Variants in MMP16 observed in about 807,000 individuals in gnomAD.
MMP16 encodes matrix metallopeptidase 16.
Under a neutral mutation model 67.8 loss-of-function variants are expected in MMP16, and 12 were observed. The ratio of observed to expected loss-of-function variants is 0.18; its 90% CI spans 0.11 to 0.29. The LOEUF is 0.29. Among genes scored for constraint, MMP16 ranks in the 10% least tolerant of loss-of-function variants. MMP16 has a pLI of 1.00. For missense variants in MMP16, 475 were observed against 765.7 expected, an observed-to-expected ratio of 0.62 and a Z score of 4.48; for synonymous variants, 249 against 255.9, an observed-to-expected ratio of 0.97 and a Z score of 0.26.
At chr8:88,289,828 T>C (rs924155261) in intron 1 of MMP16, among the ~76,000 whole-genome samples, 3 of 151,962 alleles carry the variant, frequency 2.0e-5, no homozygotes, top group African/African-American at 7.3e-5. Flanking sequence ...TCACAAGTGT[T>C]AGGTAACTTT....
intron 8 of MMP16, among the ~76,000 whole-genome samples, chr8:88,050,267 G>A (rs749812708): frequency 2.0e-5 from 3 of 152,170 alleles, no homozygotes; most frequent in East Asian, 1.9e-4. Context: ...AGGTTGCAGC[G>A]AGCCGAGATA....
chr8:88,265,706 A>G (rs1428775272), intron 1 of MMP16, among the ~76,000 whole-genome samples: 1 of 152,194 alleles, frequency 6.6e-6, no homozygotes, highest in Non-Finnish European at 1.5e-5. Flanking sequence ...TTTTAAGAAT[A>G]TCATATTTAG....
intron 4 of MMP16, among the ~76,000 whole-genome samples, chr8:88,164,685 G>C (rs906777524): frequency 6.6e-6 from 1 of 151,972 alleles, no homozygotes; most frequent in African/African-American, 2.4e-5. Flanking sequence ...GACAGGTAAA[G>C]ACATAGTTTC....
intron 1 of MMP16, among the ~76,000 whole-genome samples, chr8:88,314,607 T>C (rs930989135): frequency 3.3e-5 from 5 of 152,168 alleles, no homozygotes; most frequent in Non-Finnish European, 5.9e-5. Flanking sequence ...TTTTCATAAC[T>C]GAGGCAAGAC....
chr8:88,116,870 T>C, intron 5 of MMP16, 152 bp from the exon 6 acceptor site: 1 of 674,882 alleles, frequency 1.5e-6, no homozygotes. Flanking sequence ...AAAAACAAAA[T>C]ATCTTACCCA....
rs1361198297 is a variant in MMP16 at position 88,036,834 on chromosome 8, T to C, written c.*4627A>G. 1 of 151,720 alleles carries C rather than the reference T, an allele frequency of 6.6e-6. No individual in the cohort carries two copies. Among genetic ancestry groups the C allele is most frequent in the African/African-American group, 2.4e-5 (1 of 41,372 alleles). 9.4% of individuals were successfully genotyped at this position (151,720 alleles called of 1,614,324 possible). On this transcript the variant is annotated 3_prime_UTR_variant, in exon 10 of 10. Transcript: ENST00000286614. ...AGCATCAGAAATGAAATAAGCTCTT[T>C]ACTGTGTTTGCTAAAAAAGACCTTA...
Position 88,032,924 on chromosome 8 carries a change from C to G in MMP16, c.*8537G>C, listed in dbSNP as rs1470396630. 1.3e-5 allele frequency: 2 copies of G among 152,016 alleles called. No individual in the cohort carries two copies. The highest frequency in any genetic ancestry group is 1.9e-4 in the East Asian group (1 of 5,192). The allele number at this position is 152,016 out of a possible 1,614,324, so 9.4% of individuals were successfully genotyped here. A position where few individuals can be genotyped will look rare whatever the true frequency, so the allele number is the denominator to read the frequency against. ...AAACTTAAATCTAGATTTTAATACT[C>G]TCTCCATAATTGAAAACATCATGGG... On this transcript the variant is annotated 3_prime_UTR_variant, in exon 10 of 10. Coordinates refer to ENST00000286614, the MANE Select transcript of MMP16 (RefSeq NM_005941.5).
chr8:88,171,787 G>A (rs1391922768), intron 3 of MMP16, among the ~76,000 whole-genome samples: 1 of 151,444 alleles, frequency 6.6e-6, no homozygotes, highest in Non-Finnish European at 1.5e-5. Context: ...AATACTTATT[G>A]CTCTTATTTA....
At chr8:88,214,550 G>T (rs1239811389) in intron 1 of MMP16, among the ~76,000 whole-genome samples, 7 of 151,870 alleles carry the variant, frequency 4.6e-5, no homozygotes, top group Admixed American at 4.6e-4. Context: ...TGTTTAACAT[G>T]ATGTTTTGAA....
intron 6 of MMP16, among the ~76,000 whole-genome samples, chr8:88,102,203 C>T (rs1011676741): frequency 2.0e-5 from 3 of 151,732 alleles, no homozygotes; most frequent in African/African-American, 7.3e-5. Context: ...GACTAAGTCC[C>T]CAAAACTGCC....
intron 3 of MMP16, among the ~76,000 whole-genome samples, chr8:88,171,715 C>T (rs1415569102): frequency 5.3e-5 from 8 of 152,066 alleles, no homozygotes; most frequent in African/African-American, 1.9e-4. Context: ...AATAAGCACT[C>T]AGTGGTCTTA....
intron 4 of MMP16, among the ~76,000 whole-genome samples, chr8:88,159,249 C>G (rs1808570332): frequency 1.3e-5 from 2 of 152,122 alleles, no homozygotes; most frequent in Non-Finnish European, 2.9e-5. Context: ...CTATAAATTA[C>G]CTTGGGCAGT....
chr8:88,299,050 A>G (rs1025472733), intron 1 of MMP16, among the ~76,000 whole-genome samples: 1 of 152,128 alleles, frequency 6.6e-6, no homozygotes, highest in African/African-American at 2.4e-5. Context: ...AGTGGGAAAA[A>G]AAATAGATGA....
At chr8:88,218,398 C>G (rs1809627321) in intron 1 of MMP16, among the ~76,000 whole-genome samples, 1 of 151,988 alleles carries the variant, frequency 6.6e-6, no homozygotes, top group African/African-American at 2.4e-5. Context: ...TGAATAAGTT[C>G]TTGAGATCTA....
chr8:88,295,278 T>C (rs1810994955), intron 1 of MMP16, among the ~76,000 whole-genome samples: 1 of 152,190 alleles, frequency 6.6e-6, no homozygotes, highest in African/African-American at 2.4e-5. Flanking sequence ...CTAAACCAAG[T>C]TCTAATTTTC....
At chr8:88,288,614 C>T (rs954601073) in intron 1 of MMP16, among the ~76,000 whole-genome samples, 2 of 151,992 alleles carry the variant, frequency 1.3e-5, no homozygotes, top group African/African-American at 4.8e-5. Flanking sequence ...TTTTGTATTT[C>T]CCAAATTTGC....
chr8:88,325,394 C>T (rs1811520426), intron 1 of MMP16, among the ~76,000 whole-genome samples: 2 of 152,098 alleles, frequency 1.3e-5, no homozygotes, highest in Non-Finnish European at 2.9e-5. Context: ...CTGTCCTTCC[C>T]TTCCCTTATT....
chr8:88,172,409 A>G (rs1808818477), intron 3 of MMP16, among the ~76,000 whole-genome samples: 1 of 152,178 alleles, frequency 6.6e-6, no homozygotes, highest in Non-Finnish European at 1.5e-5. Flanking sequence ...GCAAACAAAA[A>G]CAAGAGTTTA....
rs190136029 is a variant in MMP16 at position 88,233,690 on chromosome 8, G to A, written c.133-36384C>T. On this transcript the variant is annotated intron_variant, in intron 1 of 9. Transcript: ENST00000286614. ...GGCTTTTTTCCTCTTTCAAAGACCAGAGCTGCCTGCACAGTGTCTGCACAA... is the reference window on the plus strand; with the variant it reads ...GGCTTTTTTCCTCTTTCAAAGACCAAAGCTGCCTGCACAGTGTCTGCACAA... 1.8e-4 allele frequency among the ~76,000 whole-genome samples: 27 copies of A among 152,308 alleles called. No individual in the cohort carries two copies. The East Asian group carries it at 4.6e-3, about 26-fold the overall frequency.
Sources: gnomAD v4.1 joint callset for allele counts (sites outside exome capture counted in the v4.1 genomes callset) on GRCh38, gnomAD v4.1.1 for gene constraint, MANE v1.5 for transcripts, NCBI Gene and HGNC (gene_info 2026-07-23, HGNC 2026-07-21) for gene names.